ZNF385D: variants seen among roughly 807,000 people sequenced by gnomAD.
The protein encoded by ZNF385D is zinc finger protein 385D, also known as zinc finger protein 659.
In ZNF385D, 15 loss-of-function variants were observed where a neutral mutation model predicts 35.8. The observed-to-expected ratio is 0.42, with a 90% confidence interval of 0.28 to 0.64. The LOEUF (loss-of-function observed/expected upper bound fraction) is 0.64. Ranked by LOEUF, ZNF385D falls within the 30% of genes least tolerant of loss-of-function variation. The probability of loss-of-function intolerance (pLI) is 0.23; values close to 1 mark genes in which losing one functional copy is unlikely to be tolerated. For synonymous variants in ZNF385D, 212 were observed against 186.8 expected, an observed-to-expected ratio of 1.13 and a Z score of -1.10; for missense variants, 474 against 494.6, an observed-to-expected ratio of 0.96 and a Z score of 0.39.
chr3:21,509,916 G>A (rs1359221254), intron 4 of ZNF385D, among the ~76,000 whole-genome samples: 1 of 152,196 alleles, frequency 6.6e-6, no homozygotes, highest in African/African-American at 2.4e-5. Flanking sequence ...GTTACATTGT[G>A]TAATAAGGTT....
At chr3:21,726,226 G>A (rs139925390) in intron 1 of ZNF385D, among the ~76,000 whole-genome samples, 216 of 152,156 alleles carry the variant, frequency 1.4e-3, no homozygotes, top group African/African-American at 4.8e-3. Context: ...ATATCATACC[G>A]AATGGGCAAA....
In ZNF385D at chr3:21,491,944, C is replaced by T. The variant is rs568342702; in HGVS notation, c.439+18917G>A. 2.0e-5 allele frequency among the ~76,000 whole-genome samples: 3 copies of T among 152,186 alleles called. No individual in the cohort carries two copies. In the East Asian group the frequency reaches 5.8e-4, roughly 29 times the overall value. Reference sequence around the variant, plus strand: ...CACTAAAGGTAAAGCTACACACACACAGACACACATACACACACATTTAGA... The same window carrying T: ...CACTAAAGGTAAAGCTACACACACATAGACACACATACACACACATTTAGA... On this transcript the variant is annotated intron_variant, in intron 4 of 7. Transcript: ENST00000281523.
chr3:21,911,302 G>C (rs1398008697), intron 3 of ZNF385D, among the ~76,000 whole-genome samples: 1 of 151,886 alleles, frequency 6.6e-6, no homozygotes, highest in African/African-American at 2.4e-5. Context: ...AGAAACATTA[G>C]TAAAGTTTAT....
chr3:21,569,641 C>T (rs1368349458), intron 2 of ZNF385D, among the ~76,000 whole-genome samples: 1 of 150,792 alleles, frequency 6.6e-6, no homozygotes, highest in East Asian at 1.9e-4. Context: ...TTAGTTGATG[C>T]AGTTTCTTCC....
chr3:21,568,252 T>A (rs1401662231), intron 2 of ZNF385D, among the ~76,000 whole-genome samples: 1 of 152,144 alleles, frequency 6.6e-6, no homozygotes, highest in African/African-American at 2.4e-5. Flanking sequence ...GGGCAAAATC[T>A]AAATAATAAC....
chr3:22,126,170 T>G (rs1356831944), intron 3 of ZNF385D, among the ~76,000 whole-genome samples: 1 of 152,042 alleles, frequency 6.6e-6, no homozygotes, highest in Non-Finnish European at 1.5e-5. Flanking sequence ...TCGAAATGAT[T>G]ATATGATTTT....
intron 2 of ZNF385D, among the ~76,000 whole-genome samples, chr3:22,303,750 G>A (rs570455387): frequency 1.3e-5 from 2 of 152,070 alleles, no homozygotes; most frequent in African/African-American, 4.8e-5. Context: ...CATTCTGAGT[G>A]TTTTTGGCAT....
At chr3:22,153,066 T>A (rs1705348801) in intron 3 of ZNF385D, among the ~76,000 whole-genome samples, 1 of 152,150 alleles carries the variant, frequency 6.6e-6, no homozygotes, top group South Asian at 2.1e-4. Flanking sequence ...AGCTGATGGT[T>A]AAAACTGACC....
intron 3 of ZNF385D, chr3:21,511,479 G>T: frequency 2.8e-6 from 1 of 351,790 alleles, no homozygotes; most frequent in Non-Finnish European, 5.6e-6. Flanking sequence ...TGTCTACAAG[G>T]AAAGGTTCAC....
At chr3:22,147,843 T>C (rs563608185) in intron 3 of ZNF385D, among the ~76,000 whole-genome samples, 1 of 152,252 alleles carries the variant, frequency 6.6e-6, no homozygotes, top group Non-Finnish European at 1.5e-5. Context: ...CTGCAGAAAC[T>C]AGGAAAGAAA....
intron 2 of ZNF385D, among the ~76,000 whole-genome samples, chr3:22,203,344 C>T (rs745786312): frequency 1.3e-5 from 2 of 152,078 alleles, no homozygotes; most frequent in Non-Finnish European, 2.9e-5. Flanking sequence ...GGATTTATCG[C>T]CTGCTGATTA....
chr3:21,722,099 CAAA>C lies in ZNF385D; in HGVS notation c.22+28793_22+28795del, dbSNP rs56852209. Reference sequence around the variant, plus strand: ...TTGGAGACAGAGTGAGACTCTGTCTCAAAAAAAAAAAAAAAAAAGAGGTATTTG... The same window carrying C: ...TTGGAGACAGAGTGAGACTCTGTCTCAAAAAAAAAAAAAAAGAGGTATTTG... On this transcript the variant is annotated intron_variant, in intron 1 of 7. Coordinates refer to ENST00000281523, the MANE Select transcript of ZNF385D (RefSeq NM_024697.3). 1.0e-3 allele frequency among the ~76,000 whole-genome samples: 115 copies of C among 112,526 alleles called. 1 individual carries two copies. The highest frequency in any genetic ancestry group is 4.9e-3 in the Middle Eastern group (1 of 206). The allele number at this position is 112,526 out of a possible 152,430, so 73.8% of individuals were successfully genotyped here. A position where few individuals can be genotyped will look rare whatever the true frequency, so the allele number is the denominator to read the frequency against.
intron 4 of ZNF385D, among the ~76,000 whole-genome samples, chr3:21,483,947 T>C (rs1221775252): frequency 2.0e-5 from 3 of 152,174 alleles, no homozygotes; most frequent in Non-Finnish European, 2.9e-5. Context: ...ATCATGCTAT[T>C]GGCATCATTC....
At chr3:22,016,493 G>C (rs1421377964) in intron 3 of ZNF385D, among the ~76,000 whole-genome samples, 2 of 152,072 alleles carry the variant, frequency 1.3e-5, no homozygotes, top group Non-Finnish European at 2.9e-5. Context: ...GTCTCTTTGA[G>C]ATTAGGTATG....
intron 3 of ZNF385D, among the ~76,000 whole-genome samples, chr3:22,064,513 A>G (rs913629251): frequency 3.9e-5 from 6 of 152,232 alleles, no homozygotes; most frequent in Non-Finnish European, 7.3e-5. Flanking sequence ...ACTATTCACA[A>G]TAACTAAGAT....
chr3:21,838,592 G>T (rs1039751728), intron 3 of ZNF385D, among the ~76,000 whole-genome samples: 31 of 152,072 alleles, frequency 2.0e-4, no homozygotes, highest in Non-Finnish European at 5.9e-5. Context: ...AATTGTCAAA[G>T]TGATGGAAAA....
At chr3:22,037,814 T>G (rs1242248177) in intron 3 of ZNF385D, among the ~76,000 whole-genome samples, 2 of 152,130 alleles carry the variant, frequency 1.3e-5, no homozygotes, top group Non-Finnish European at 2.9e-5. Flanking sequence ...ATTGCCTAGG[T>G]TTTCTTCTAG....
intron 4 of ZNF385D, among the ~76,000 whole-genome samples, chr3:21,489,305 A>G (rs1276413719): frequency 6.6e-6 from 1 of 152,126 alleles, no homozygotes; most frequent in Non-Finnish European, 1.5e-5. Flanking sequence ...TGATTACATT[A>G]TCAACTTTCC....
At chr3:22,173,887 G>C (rs770087086) in intron 2 of ZNF385D, among the ~76,000 whole-genome samples, 1 of 152,094 alleles carries the variant, frequency 6.6e-6, no homozygotes, top group Non-Finnish European at 1.5e-5. Context: ...GAACACAGTT[G>C]TAAGTCATTT....
Sources: gnomAD v4.1 joint callset for allele counts (sites outside exome capture counted in the v4.1 genomes callset) on GRCh38, gnomAD v4.1.1 for gene constraint, MANE v1.5 for transcripts, NCBI Gene and HGNC (gene_info 2026-07-23, HGNC 2026-07-21) for gene names.